C19orf38: variants seen among roughly 807,000 people sequenced by gnomAD.
The protein encoded by C19orf38 is chromosome 19 open reading frame 38.
Under a neutral mutation model 26.6 loss-of-function variants are expected in C19orf38, and 14 were observed. That is an observed-to-expected ratio of 0.53 (90% confidence interval 0.35 to 0.82). The LOEUF is 0.82. Among genes scored for constraint, C19orf38 ranks in the 40% least tolerant of loss-of-function variants. The pLI is 0.01. For missense variants in C19orf38, 261 were observed against 299.5 expected (o/e 0.87, Z 0.95); for synonymous variants, 132 against 128.5 (o/e 1.03, Z -0.18).
intron 6 of C19orf38, 105 bp from the exon 7 acceptor site, chr19:10,869,113 G>A: frequency 7.0e-7 from 1 of 1,430,158 alleles, no homozygotes; most frequent in South Asian, 1.2e-5. Context: ...CGGGATGAGA[G>A]GAGACCTGCT....
chr19:10,868,245 C>G (rs1197479053), intron 6 of C19orf38, among the ~76,000 whole-genome samples: 1 of 152,170 alleles, frequency 6.6e-6, no homozygotes, highest in East Asian at 1.9e-4. Flanking sequence ...TTTGTAACAC[C>G]CTTTCAGGTG....
At chr19:10,861,902 G>T (rs1305460796) in intron 5 of C19orf38, among the ~76,000 whole-genome samples, 1 of 149,698 alleles carries the variant, frequency 6.7e-6, no homozygotes, top group Non-Finnish European at 1.5e-5. Context: ...GTTGTTTTTT[G>T]TTTGTTTTTG....
rs555453908 is a variant in C19orf38 at position 10,852,214 on chromosome 19, C to T, written c.340+1647C>T. Among the ~76,000 whole-genome samples, 4 of 152,090 alleles carry T rather than the reference C, an allele frequency of 2.6e-5. No individual in the cohort carries two copies. The South Asian group carries it at 6.2e-4, about 24-fold the overall frequency. On this transcript the variant is annotated intron_variant, in intron 2 of 6. Coordinates refer to ENST00000397820, the MANE Select transcript of C19orf38 (RefSeq NM_001136482.3). ...TCTTAACCTCAAGTGATCCTCCCAC[C>T]TCGGCCTCCAGAGTAGCTGGGATTA...
upstream of C19orf38, among the ~76,000 whole-genome samples, chr19:10,845,608 G>A (rs1448361402): frequency 3.3e-5 from 5 of 152,108 alleles, no homozygotes; most frequent in Non-Finnish European, 5.9e-5. Flanking sequence ...GGCCGGGTGC[G>A]GTGGCTCACG....
At chr19:10,856,998 T>C (rs1212552491) in intron 3 of C19orf38, among the ~76,000 whole-genome samples, 1 of 151,582 alleles carries the variant, frequency 6.6e-6, no homozygotes. Flanking sequence ...AGGGTCTTGC[T>C]GTGTTGCCCA....
chr19:10,865,505 G>A (rs546819284), intron 6 of C19orf38, among the ~76,000 whole-genome samples: 9 of 151,636 alleles, frequency 5.9e-5, no homozygotes, highest in Non-Finnish European at 1.2e-4. Flanking sequence ...GGTGGCTCAT[G>A]CCTGTAATCC....
intron 1 of C19orf38, among the ~76,000 whole-genome samples, chr19:10,838,375 A>G (rs1193979455): frequency 1.3e-5 from 2 of 152,186 alleles, no homozygotes; most frequent in Non-Finnish European, 2.9e-5. Flanking sequence ...ATGCCACTGC[A>G]CTCCAGCCTG....
At chr19:10,852,884 G>A (rs2146256456) in intron 2 of C19orf38, among the ~76,000 whole-genome samples, 1 of 151,892 alleles carries the variant, frequency 6.6e-6, no homozygotes, top group South Asian at 2.1e-4. Flanking sequence ...CAGGAGGGAG[G>A]AGCCTTTGGT....
At chr19:10,860,396 T>A (rs1265478145) in intron 5 of C19orf38, among the ~76,000 whole-genome samples, 3 of 150,118 alleles carry the variant, frequency 2.0e-5, no homozygotes, top group Non-Finnish European at 4.4e-5. Context: ...TAGCAGGGTG[T>A]GGTGGCGGAC....
intron 3 of C19orf38, among the ~76,000 whole-genome samples, chr19:10,858,051 G>A (rs1002400669): frequency 4.6e-5 from 7 of 151,500 alleles, no homozygotes; most frequent in Admixed American, 1.3e-4. Context: ...CCAACATGAC[G>A]AACCCTCTTC....
At chr19:10,845,024 G>A (rs946525760), upstream of C19orf38, among the ~76,000 whole-genome samples, 2 of 143,140 alleles carry the variant, frequency 1.4e-5, no homozygotes, top group Admixed American at 7.0e-5. Flanking sequence ...GCCAGGTGCC[G>A]TGCATGCCTG....
At chr19:10,857,366 A>AGATATATATATT (rs2073639296) in intron 3 of C19orf38, among the ~76,000 whole-genome samples, 1 of 56,102 alleles carries the variant, frequency 1.8e-5, no homozygotes, top group Non-Finnish European at 2.6e-5. Flanking sequence ...ATATATATAT[A>AGATATATATATT]TTTTTTTTTT....
chr19:10,837,927 G>T (rs1404051039), intron 1 of C19orf38, among the ~76,000 whole-genome samples: 1 of 151,884 alleles, frequency 6.6e-6, no homozygotes, highest in Non-Finnish European at 1.5e-5. Context: ...AGCCTCCTGA[G>T]TAGCTGGGAC....
intron 1 of C19orf38, among the ~76,000 whole-genome samples, chr19:10,838,780 C>G (rs1454789002): frequency 3.9e-5 from 6 of 152,156 alleles, no homozygotes; most frequent in Non-Finnish European, 8.8e-5. Flanking sequence ...GCCTGATTTA[C>G]ATAGGGGATG....
In C19orf38 at chr19:10,850,470, T is replaced by C; in HGVS notation, c.243T>C (p.Ala81=). ...ACCTGAGCGGCGGCAGCAGCAAGGC[T>C]CCAGGGGGACCCTTCCACTGCCAGT... ...TFNLSGGSSK[A]PGGPFHCQYG... is the part of the protein sequence containing the mutation. Residue 81 remains alanine (A), a synonymous_variant, in exon 2 of 7, where the codon GCT becomes GCC. Transcript: ENST00000397820. 1 of 1,551,530 alleles carries C rather than the reference T, an allele frequency of 6.4e-7. No homozygotes were observed.
At chr19:10,850,077 A>C (rs1022761172) in intron 1 of C19orf38, among the ~76,000 whole-genome samples, 182 bp from the exon 2 acceptor site, 14 of 152,144 alleles carry the variant, frequency 9.2e-5, no homozygotes, top group Admixed American at 3.9e-4. Flanking sequence ...AAGAAAAAAG[A>C]AAAGTAATTC....
chr19:10,843,533 G>C (rs2073493974), upstream of C19orf38, among the ~76,000 whole-genome samples: 1 of 152,302 alleles, frequency 6.6e-6, no homozygotes, highest in South Asian at 2.1e-4. Flanking sequence ...AGCTCCTTGA[G>C]GACAGGAGCC....
intron 1 of C19orf38, 73 bp downstream of exon 1, chr19:10,848,612 G>A (rs2073538436): frequency 6.8e-7 from 1 of 1,466,678 alleles, no homozygotes; most frequent in Admixed American, 2.0e-5. Context: ...CCGCTCCAGG[G>A]GCAGAAACCA....
chr19:10,863,328 A>T, intron 6 of C19orf38, 121 bp downstream of exon 6: 1 of 1,156,184 alleles, frequency 8.6e-7, no homozygotes, highest in Non-Finnish European at 1.2e-6. Context: ...CGGGGGGGCT[A>T]GGAAAAGCCC....
Sources: gnomAD v4.1 joint callset for allele counts (sites outside exome capture counted in the v4.1 genomes callset) on GRCh38, gnomAD v4.1.1 for gene constraint, MANE v1.5 for transcripts, NCBI Gene and HGNC (gene_info 2026-07-23, HGNC 2026-07-21) for gene names.